Variants in SCOC observed in about 807,000 individuals in gnomAD.
SCOC encodes short coiled coil protein.
Under a neutral mutation model 9.9 loss-of-function variants are expected in SCOC, and 7 were observed. The ratio of observed to expected loss-of-function variants is 0.71; its 90% CI spans 0.40 to 1.33. The LOEUF (loss-of-function observed/expected upper bound fraction) is 1.33. Among genes scored for constraint, SCOC ranks in the 40% most tolerant of loss-of-function variants. The probability of loss-of-function intolerance (pLI) is 0.01; values close to 1 mark genes in which losing one functional copy is unlikely to be tolerated. For missense variants in SCOC, 66 were observed against 89.7 expected (o/e 0.74, Z 1.07); for synonymous variants, 19 against 28.2 (o/e 0.67, Z 1.03).
chr4:140,374,597 C>G (rs1376835205), intron 1 of SCOC, among the ~76,000 whole-genome samples: 2 of 152,298 alleles, frequency 1.3e-5, no homozygotes, highest in Non-Finnish European at 2.9e-5. Context: ...TTGAACAGAT[C>G]TGAACAGACA....
chr4:140,346,284 G>A (rs920996432), intron 2 of SCOC, among the ~76,000 whole-genome samples: 6 of 152,182 alleles, frequency 3.9e-5, no homozygotes, highest in African/African-American at 1.4e-4. Context: ...TGGCCTTGGT[G>A]ATTGTCCAGA....
chr4:140,339,258 T>C (rs1726403766), upstream of SCOC, among the ~76,000 whole-genome samples: 1 of 152,218 alleles, frequency 6.6e-6, no homozygotes, highest in East Asian at 1.9e-4. Flanking sequence ...TGTAGAAAGC[T>C]GAAACTGGAT....
intron 2 of SCOC, among the ~76,000 whole-genome samples, chr4:140,345,605 T>G (rs1200629943): frequency 6.6e-6 from 1 of 152,226 alleles, no homozygotes. Context: ...GCAGACATCA[T>G]TCATTCAAAT....
At chr4:140,317,475 C>T (rs1448435075) in intron 1 of SCOC, among the ~76,000 whole-genome samples, 2 of 152,092 alleles carry the variant, frequency 1.3e-5, no homozygotes, top group Admixed American at 6.5e-5. Flanking sequence ...CCCCCAGTCA[C>T]GTACCTACTG....
chr4:140,292,256 T>C (rs1009663426), intron 1 of SCOC, among the ~76,000 whole-genome samples: 2 of 151,772 alleles, frequency 1.3e-5, no homozygotes, highest in African/African-American at 4.8e-5. Context: ...TAGCATGATC[T>C]TGGCTCACTG....
At chr4:140,290,692 A>T (rs1731445420) in intron 1 of SCOC, among the ~76,000 whole-genome samples, 2 of 152,138 alleles carry the variant, frequency 1.3e-5, no homozygotes, top group South Asian at 4.1e-4. Context: ...GTGTGCCTGT[A>T]GTCTTAGCTA....
intron 1 of SCOC, among the ~76,000 whole-genome samples, chr4:140,269,284 C>T (rs1036608567): frequency 4.6e-5 from 7 of 152,108 alleles, no homozygotes; most frequent in South Asian, 2.1e-4. Flanking sequence ...AGTGTTTTGA[C>T]GACCAATAGT....
At chr4:140,338,150 A>G (rs1262248706) in intron 1 of SCOC, among the ~76,000 whole-genome samples, 1 of 152,222 alleles carries the variant, frequency 6.6e-6, no homozygotes, top group African/African-American at 2.4e-5. Flanking sequence ...CAATATACGC[A>G]AATCAATAAA....
intron 2 of SCOC, among the ~76,000 whole-genome samples, chr4:140,363,278 CGTT>C (rs1471439972): frequency 1.3e-5 from 2 of 152,128 alleles, no homozygotes; most frequent in East Asian, 3.8e-4. Context: ...AACAGGCAAT[CGTT>C]AGCTTGTAAG....
intron 1 of SCOC, among the ~76,000 whole-genome samples, chr4:140,302,590 G>C (rs1370194285): frequency 2.0e-5 from 3 of 152,166 alleles, no homozygotes; most frequent in Admixed American, 1.3e-4. Context: ...CTAGAAACAA[G>C]CCAGATACTA....
chr4:140,319,077 C>A (rs1016255110), intron 1 of SCOC, among the ~76,000 whole-genome samples: 1 of 152,116 alleles, frequency 6.6e-6, no homozygotes, highest in Non-Finnish European at 1.5e-5. Flanking sequence ...GCTCAGGCTT[C>A]TGGAAACAAA....
At chr4:140,373,850 T>G (rs1578880748) in intron 1 of SCOC, 133 bp downstream of exon 1, 1 of 1,000,552 alleles carries the variant, frequency 1.0e-6, no homozygotes, top group East Asian at 2.6e-5. Context: ...AGGAGCGGTC[T>G]CGGGCCTGGG....
At chr4:140,289,024 ACACT>A (rs1487511020) in intron 1 of SCOC, among the ~76,000 whole-genome samples, 1 of 152,058 alleles carries the variant, frequency 6.6e-6, no homozygotes, top group African/African-American at 2.4e-5. Flanking sequence ...CATGACACAC[ACACT>A]CACTACTACA....
At chr4:140,321,549 C>T (rs561459182) in intron 1 of SCOC, among the ~76,000 whole-genome samples, 1 of 152,244 alleles carries the variant, frequency 6.6e-6, no homozygotes, top group East Asian at 1.9e-4. Context: ...GATATGAAGA[C>T]TGTCTTTCAT....
chr4:140,373,619 G>T, upstream of SCOC: 1 of 1,551,664 alleles, frequency 6.4e-7, no homozygotes, highest in Non-Finnish European at 8.7e-7. Context: ...CGCACGTTCT[G>T]TGGGCGGAGT....
chr4:140,278,356 G>A (rs1461942283), intron 1 of SCOC, among the ~76,000 whole-genome samples: 2 of 151,682 alleles, frequency 1.3e-5, no homozygotes, highest in Non-Finnish European at 2.9e-5. Flanking sequence ...CTGAAGTGCA[G>A]TGGCGCAATC....
intron 2 of SCOC, among the ~76,000 whole-genome samples, chr4:140,356,308 T>A (rs529947816): frequency 5.3e-5 from 8 of 152,336 alleles, no homozygotes; most frequent in African/African-American, 1.9e-4. Context: ...CTGGATACAT[T>A]AGTGTATATT....
chr4:140,335,686 C>A (rs1732938881), intron 1 of SCOC, among the ~76,000 whole-genome samples: 1 of 152,130 alleles, frequency 6.6e-6, no homozygotes, highest in South Asian at 2.1e-4. Flanking sequence ...AGATATTTCC[C>A]TGGTTATTGT....
At chr4:140,349,984 T>C (rs1214999921) in intron 2 of SCOC, among the ~76,000 whole-genome samples, 1 of 152,222 alleles carries the variant, frequency 6.6e-6, no homozygotes, top group East Asian at 1.9e-4. Flanking sequence ...ATCTTTTCAG[T>C]GTCATTTCCT....
Sources: allele counts gnomAD v4.1 joint callset (sites outside exome capture counted in the v4.1 genomes callset), GRCh38; gene constraint gnomAD v4.1.1; transcripts MANE v1.5; gene names NCBI Gene and HGNC (gene_info 2026-07-23, HGNC 2026-07-21).